Variants in NUMB observed in about 807,000 individuals in gnomAD.
NUMB encodes the protein protein numb homolog.
A neutral mutation model predicts 59.7 loss-of-function variants in NUMB; 29 were observed. That is an observed-to-expected ratio of 0.49 (90% confidence interval 0.36 to 0.66). NUMB has a LOEUF of 0.66. Ranked by LOEUF, NUMB falls within the 30% of genes least tolerant of loss-of-function variation. NUMB has a pLI of 0.00. For synonymous variants in NUMB, 288 were observed against 288.2 expected (o/e 1.00, Z 0.01); for missense variants, 723 against 822.0 (o/e 0.88, Z 1.47).
chr14:73,413,031 G>C (rs568195498), intron 1 of NUMB, among the ~76,000 whole-genome samples: 5 of 151,976 alleles, frequency 3.3e-5, no homozygotes, highest in African/African-American at 9.6e-5. Context: ...AATAAAACAG[G>C]CTGTCTGACT....
intron 8 of NUMB, among the ~76,000 whole-genome samples, chr14:73,288,443 T>G (rs1408845417): frequency 1.3e-5 from 2 of 151,526 alleles, no homozygotes; most frequent in East Asian, 3.9e-4. Context: ...CCCAGCTACT[T>G]GAGAGGCTGA....
chr14:73,341,358 T>C (rs572808211), intron 4 of NUMB, among the ~76,000 whole-genome samples: 2 of 152,208 alleles, frequency 1.3e-5, no homozygotes, highest in South Asian at 2.1e-4. Context: ...ATTCCAAAAA[T>C]CTAGGTGGAA....
intron 2 of NUMB, among the ~76,000 whole-genome samples, chr14:73,397,319 T>A (rs1317315065): frequency 6.6e-6 from 1 of 152,014 alleles, no homozygotes; most frequent in East Asian, 1.9e-4. Flanking sequence ...ATGAAACCAT[T>A]AAAAATGAAG....
intron 2 of NUMB, among the ~76,000 whole-genome samples, chr14:73,389,098 T>TAAAA (rs71112747): frequency 7.3e-5 from 7 of 95,752 alleles, no homozygotes; most frequent in East Asian, 3.1e-4. Flanking sequence ...GACTCTGCCT[T>TAAAA]AAAAAAAAAA....
At position 73,385,495 on chromosome 14, in the gene NUMB, C is replaced by CTTTTTTTTTTTTTT. The variant is rs1566773092; in HGVS notation, c.-100-18515_-100-18514insAAAAAAAAAAAAAA. Among the ~76,000 whole-genome samples, 3 of 67,546 alleles carry CTTTTTTTTTTTTTT rather than the reference C, an allele frequency of 4.4e-5. 1 individual carries two copies. Among genetic ancestry groups the CTTTTTTTTTTTTTT allele is most frequent in the Non-Finnish European group, 8.3e-5 (3 of 36,316 alleles). 44.3% of individuals were successfully genotyped at this position (67,546 alleles called of 152,430 possible). On this transcript the variant is annotated intron_variant, in intron 2 of 12. Transcript: ENST00000555238. ...CAAAATAGCTACATATGGCTAGTGG[C>CTTTTTTTTTTTTTT]CTTTTTTTTTTTTTTTTTTTTTTTG...
intron 5 of NUMB, among the ~76,000 whole-genome samples, chr14:73,320,651 C>T (rs529057624): frequency 6.6e-6 from 1 of 152,236 alleles, no homozygotes; most frequent in Admixed American, 6.5e-5. Flanking sequence ...TATTGTAAGA[C>T]TCAATTTGAC....
chr14:73,338,533 A>G (rs2139970068), intron 4 of NUMB, among the ~76,000 whole-genome samples: 1 of 152,344 alleles, frequency 6.6e-6, no homozygotes, highest in African/African-American at 2.4e-5. Flanking sequence ...TCAGCACAGG[A>G]GCCAGAATGA....
intron 1 of NUMB, among the ~76,000 whole-genome samples, chr14:73,418,278 T>C (rs1230786090): frequency 6.6e-6 from 1 of 152,092 alleles, no homozygotes; most frequent in Non-Finnish European, 1.5e-5. Flanking sequence ...ATAACCAGAA[T>C]AGTCAAAATC....
intron 4 of NUMB, among the ~76,000 whole-genome samples, chr14:73,339,542 C>T (rs1207132460): frequency 6.6e-6 from 1 of 152,122 alleles, no homozygotes; most frequent in East Asian, 1.9e-4. Flanking sequence ...TCCTAACCAT[C>T]CCATTTTTTG....
At chr14:73,414,865 G>A (rs928503656) in intron 1 of NUMB, among the ~76,000 whole-genome samples, 2 of 151,922 alleles carry the variant, frequency 1.3e-5, no homozygotes, top group Non-Finnish European at 2.9e-5. Flanking sequence ...GACTACAGGC[G>A]CCCACCACCA....
At position 73,353,072 on chromosome 14, in the gene NUMB, G is replaced by GTTT. The variant is rs71112737; in HGVS notation, c.126+2551_126+2553dup. 3.1e-3 allele frequency among the ~76,000 whole-genome samples: 183 copies of GTTT among 58,506 alleles called. 33 individuals are homozygous for GTTT. The highest frequency in any genetic ancestry group is 0.01 in the East Asian group (16 of 1,594). 38.4% of individuals were successfully genotyped at this position (58,506 alleles called of 152,430 possible). On this transcript the variant is annotated intron_variant, in intron 4 of 12. Transcript: ENST00000555238. Reference sequence around the variant, plus strand: ...CTTAATGGATGCCACAGTTTTTCTTGTTTTTTTTTTTTTTTTTTTTTTTTT... The same window carrying GTTT: ...CTTAATGGATGCCACAGTTTTTCTTGTTTTTTTTTTTTTTTTTTTTTTTTTTTT...
chr14:73,383,313 A>G (rs187456367), intron 2 of NUMB, among the ~76,000 whole-genome samples: 3 of 152,362 alleles, frequency 2.0e-5, no homozygotes, highest in Admixed American at 6.5e-5. Flanking sequence ...AAAAAGTTAA[A>G]TTGAAAATCG....
chr14:73,429,090 G>A (rs118191153), intron 1 of NUMB, among the ~76,000 whole-genome samples: 271 of 152,256 alleles, frequency 1.8e-3, no homozygotes, highest in Non-Finnish European at 2.9e-3. Flanking sequence ...TTTCCCTAGG[G>A]GCCGGGCACA....
chr14:73,373,101 G>C (rs1019629403), intron 2 of NUMB, among the ~76,000 whole-genome samples: 8 of 152,118 alleles, frequency 5.3e-5, no homozygotes, highest in Non-Finnish European at 1.0e-4. Flanking sequence ...TACAATTTAG[G>C]AAGTATATTT....
chr14:73,345,516 C>T (rs1477079253), intron 4 of NUMB, among the ~76,000 whole-genome samples: 2 of 152,110 alleles, frequency 1.3e-5, no homozygotes, highest in African/African-American at 2.4e-5. Flanking sequence ...CAATAGTTCT[C>T]GAAATTTTTG....
chr14:73,410,567 T>C (rs1031767216), intron 1 of NUMB, among the ~76,000 whole-genome samples: 2 of 152,212 alleles, frequency 1.3e-5, no homozygotes, highest in Admixed American at 6.5e-5. Context: ...GACTAAAAAC[T>C]ATGTATAAAG....
intron 4 of NUMB, among the ~76,000 whole-genome samples, chr14:73,335,826 T>C (rs1164509104): frequency 6.6e-6 from 1 of 152,238 alleles, no homozygotes; most frequent in Non-Finnish European, 1.5e-5. Flanking sequence ...CTTTACAGCA[T>C]CTTAACACAT....
chr14:73,279,364 G>A lies in NUMB; in HGVS notation c.1157C>T (p.Pro386Leu). Residue 386 changes from proline (P) to leucine (L), a missense_variant, in exon 12 of 13, where the codon CCC (proline) becomes CTC (leucine). Pro to Leu is a moderately conservative substitution (Grantham distance 98). Transcript: ENST00000555238. ...LAKPAHTALA[P>L]VAMPVRETNP... is the part of the protein sequence containing the mutation. ...GGTTTCACGCACAGGCATTGCTACG[G>A]GTGCTAGAGCAGTATGGGCTGGCTT... 1 of 1,612,766 alleles carries A rather than the reference G, an allele frequency of 6.2e-7. No homozygotes were observed. Among genetic ancestry groups the A allele is most frequent in the Middle Eastern group, 1.7e-4 (1 of 6,054 alleles).
intron 2 of NUMB, among the ~76,000 whole-genome samples, chr14:73,377,577 T>C (rs534926419): frequency 1.3e-5 from 2 of 151,756 alleles, no homozygotes; most frequent in South Asian, 2.1e-4. Context: ...GAGGTGGAGG[T>C]TGCAGTGAGC....
Sources: gnomAD v4.1 joint callset for allele counts (sites outside exome capture counted in the v4.1 genomes callset) on GRCh38, gnomAD v4.1.1 for gene constraint, MANE v1.5 for transcripts, NCBI Gene and HGNC (gene_info 2026-07-23, HGNC 2026-07-21) for gene names.